BMP6: variants seen among roughly 807,000 people sequenced by gnomAD.
BMP6 encodes the protein bone morphogenetic protein 6, also known as VG-1-R.
A neutral mutation model predicts 54.1 loss-of-function variants in BMP6; 17 were observed. The ratio of observed to expected loss-of-function variants is 0.31; its 90% CI spans 0.22 to 0.47. The LOEUF is 0.47. Ranked by LOEUF, BMP6 falls within the 20% of genes least tolerant of loss-of-function variation. The pLI, the probability that BMP6 is intolerant of heterozygous loss-of-function variation, is 1.00. For missense variants in BMP6, 720 were observed against 690.4 expected (o/e 1.04, Z -0.48); for synonymous variants, 328 against 291.2 (o/e 1.13, Z -1.28).
chr6:7,825,027 G>A (rs542153129), intron 1 of BMP6, among the ~76,000 whole-genome samples: 2 of 152,302 alleles, frequency 1.3e-5, no homozygotes, highest in East Asian at 3.9e-4. Flanking sequence ...TGAAAAACGC[G>A]CAGACTTCAG....
chr6:7,789,271 G>A (rs1758061198), intron 1 of BMP6, among the ~76,000 whole-genome samples: 1 of 152,184 alleles, frequency 6.6e-6, no homozygotes, highest in Admixed American at 6.5e-5. Context: ...CAGGCTAATC[G>A]GTTTCAGGAA....
intron 1 of BMP6, among the ~76,000 whole-genome samples, chr6:7,771,592 A>T (rs1757788223): frequency 6.6e-6 from 1 of 152,194 alleles, no homozygotes; most frequent in South Asian, 2.1e-4. Flanking sequence ...AAGCCCAGGC[A>T]TATTGACCCC....
At chr6:7,819,299 C>T (rs1037142701) in intron 1 of BMP6, among the ~76,000 whole-genome samples, 2 of 152,132 alleles carry the variant, frequency 1.3e-5, no homozygotes, top group Non-Finnish European at 2.9e-5. Context: ...AAATTCAAAC[C>T]TGAGTATACT....
At chr6:7,798,648 A>G (rs1581252198) in intron 1 of BMP6, among the ~76,000 whole-genome samples, 1 of 151,956 alleles carries the variant, frequency 6.6e-6, no homozygotes, top group Non-Finnish European at 1.5e-5. Flanking sequence ...TTCCTTCCAC[A>G]CTCACTCACT....
intron 1 of BMP6, among the ~76,000 whole-genome samples, chr6:7,769,372 G>T (rs146956971): frequency 0.013 from 1,924 of 152,298 alleles, 33 homozygotes; most frequent in African/African-American, 0.044. Context: ...GGATGCCTGG[G>T]GGGGTGGGAG....
chr6:7,756,365 T>C (rs1757515147), intron 1 of BMP6, among the ~76,000 whole-genome samples: 1 of 152,336 alleles, frequency 6.6e-6, no homozygotes, highest in East Asian at 1.9e-4. Context: ...GTCTTTCATG[T>C]ATTTCCTTCT....
At chr6:7,872,293 TAAAA>T (rs3837027) in intron 4 of BMP6, among the ~76,000 whole-genome samples, 2 of 139,804 alleles carry the variant, frequency 1.4e-5, no homozygotes, top group Admixed American at 1.4e-4. Context: ...TCAATCTGTT[TAAAA>T]AAAAAAAAAA....
rs578107805 is a variant in BMP6, at chr6:7,821,476, G to T, written c.665-23664G>T. Among the ~76,000 whole-genome samples the T allele has an allele frequency of 2.3e-4, 35 of 152,142 alleles. No homozygotes were observed. The South Asian group carries it at 7.3e-3, about 32-fold the overall frequency. On this transcript the variant is annotated intron_variant, in intron 1 of 6. Coordinates refer to ENST00000283147, the MANE Select transcript of BMP6 (RefSeq NM_001718.6). Reference sequence around the variant, plus strand: ...GAGGCAGGAGGATCACTTGAGGCCGGGAGGGCAGCATCGTGAAACCCCATC... The same window carrying T: ...GAGGCAGGAGGATCACTTGAGGCCGTGAGGGCAGCATCGTGAAACCCCATC...
intron 1 of BMP6, among the ~76,000 whole-genome samples, chr6:7,728,622 C>G (rs1420618507): frequency 6.6e-6 from 1 of 152,166 alleles, no homozygotes; most frequent in East Asian, 1.9e-4. Flanking sequence ...CATAAGCTGA[C>G]TTAGTTTAGC....
intron 1 of BMP6, among the ~76,000 whole-genome samples, chr6:7,731,571 T>TG: frequency 6.6e-6 from 1 of 152,380 alleles, no homozygotes; most frequent in Non-Finnish European, 1.5e-5. Flanking sequence ...AACATAATGC[T>TG]GACCACATGG....
chr6:7,732,696 G>A (rs1252203301), intron 1 of BMP6, among the ~76,000 whole-genome samples: 2 of 152,128 alleles, frequency 1.3e-5, no homozygotes, highest in African/African-American at 2.4e-5. Flanking sequence ...TATATCAAAC[G>A]TAGTATATCA....
In BMP6 at chr6:7,845,183, A is replaced by G. The variant is rs772388218; in HGVS notation, c.708A>G (p.Lys236=). Reference sequence around the variant, plus strand: ...TCTCCCCTCGTCAGCGACACCACAAAGAGTTCAAGTTCAACTTATCCCAGA... The same window carrying G: ...TCTCCCCTCGTCAGCGACACCACAAGGAGTTCAAGTTCAACTTATCCCAGA... ...KEFSPRQRHH[K]EFKFNLSQIP... The change falls in exon 2 of 7, where the codon AAA becomes AAG. Residue 236 remains lysine, a synonymous_variant. Transcript: ENST00000283147. 6.2e-7 allele frequency: 1 copy of G among 1,614,174 alleles called. No homozygotes were observed. Among genetic ancestry groups the G allele is most frequent in the East Asian group, 2.2e-5 (1 of 44,870 alleles).
At chr6:7,859,521 C>T (rs547704099) in intron 2 of BMP6, among the ~76,000 whole-genome samples, 5 of 152,096 alleles carry the variant, frequency 3.3e-5, no homozygotes, top group East Asian at 1.9e-4. Context: ...CCTCTGGGAC[C>T]GGGGCTACTT....
chr6:7,838,758 C>A (rs779658745), intron 1 of BMP6, among the ~76,000 whole-genome samples: 22 of 151,954 alleles, frequency 1.4e-4, no homozygotes, highest in Admixed American at 5.2e-4. Context: ...CTGGCTAATA[C>A]GGTGAAACCT....
At chr6:7,803,057 G>A (rs1398549418) in intron 1 of BMP6, among the ~76,000 whole-genome samples, 1 of 152,208 alleles carries the variant, frequency 6.6e-6, no homozygotes, top group Admixed American at 6.5e-5. Context: ...ACTTGAAGTT[G>A]TGATGGGTGC....
At chr6:7,853,613 A>C (rs187264961) in intron 2 of BMP6, among the ~76,000 whole-genome samples, 2 of 152,216 alleles carry the variant, frequency 1.3e-5, no homozygotes, top group Non-Finnish European at 2.9e-5. Context: ...TAGTTTGGGC[A>C]GAAGAAAACC....
In BMP6 at chr6:7,813,130, T is replaced by A. The variant is rs868277248; in HGVS notation, c.665-32010T>A. Among the ~76,000 whole-genome samples the A allele has an allele frequency of 3.1e-3, 242 of 78,806 alleles. 10 individuals carry two copies. The highest frequency in any genetic ancestry group is 7.6e-3 in the Middle Eastern group (1 of 132). 51.7% of individuals were successfully genotyped at this position (78,806 alleles called of 152,430 possible). On this transcript the variant is annotated intron_variant, in intron 1 of 6. Coordinates refer to ENST00000283147, the MANE Select transcript of BMP6 (RefSeq NM_001718.6). The stretch of plus-strand genomic sequence containing the variant: ...AAAAATATATATATATATATATATA[T>A]ATATATATATATATATATAAAATTA...
intron 1 of BMP6, among the ~76,000 whole-genome samples, chr6:7,791,512 C>T (rs1212645564): frequency 6.6e-6 from 1 of 152,138 alleles, no homozygotes; most frequent in Non-Finnish European, 1.5e-5. Context: ...TCTGCTTCTC[C>T]ATCTTCATGG....
intron 2 of BMP6, among the ~76,000 whole-genome samples, chr6:7,846,027 C>G (rs1250168969): frequency 6.6e-6 from 1 of 152,148 alleles, no homozygotes; most frequent in East Asian, 1.9e-4. Context: ...TACACAGAAG[C>G]CAATGACCTC....
Sources: allele counts gnomAD v4.1 joint callset (sites outside exome capture counted in the v4.1 genomes callset), GRCh38; gene constraint gnomAD v4.1.1; transcripts MANE v1.5; gene names NCBI Gene and HGNC (gene_info 2026-07-23, HGNC 2026-07-21).